Variants in ELAVL2 observed in about 807,000 individuals in gnomAD.
The protein encoded by ELAVL2 is ELAV-like protein 2.
A neutral mutation model predicts 34.6 loss-of-function variants in ELAVL2; 4 were observed. The ratio of observed to expected loss-of-function variants is 0.12; its 90% CI spans 0.06 to 0.26. The LOEUF (loss-of-function observed/expected upper bound fraction) is 0.26, where lower values mean the gene tolerates loss of function less well. ELAVL2 is among the 10% of genes least tolerant of loss of function. The pLI is 1.00. For missense variants in ELAVL2, 432 were observed against 442.8 expected, an observed-to-expected ratio of 0.98 and a Z score of 0.22; for synonymous variants, 193 against 154.8, an observed-to-expected ratio of 1.25 and a Z score of -1.83.
At chr9:23,850,241 C>T in the ELAVL2 span, among the ~76,000 whole-genome samples, 1 of 150,960 alleles carries the variant, frequency 6.6e-6, no homozygotes, top group South Asian at 2.1e-4. Context: ...CACCACCCCC[C>T]CCGCCCCCAG....
At chr9:23,774,104 G>A (rs913519470) in intron 1 of ELAVL2, among the ~76,000 whole-genome samples, 6 of 151,222 alleles carry the variant, frequency 4.0e-5, no homozygotes, top group Admixed American at 1.3e-4. Context: ...CCAGCTACAC[G>A]GGAGGCTGAG....
chr9:23,772,671 T>G (rs564483987), intron 1 of ELAVL2, among the ~76,000 whole-genome samples: 18 of 152,214 alleles, frequency 1.2e-4, no homozygotes, highest in African/African-American at 4.3e-4. Context: ...TGATGTATTG[T>G]GGAGAGCAAA....
At chr9:23,737,480 G>C (rs2048172285) in intron 2 of ELAVL2, among the ~76,000 whole-genome samples, 1 of 152,210 alleles carries the variant, frequency 6.6e-6, no homozygotes, top group African/African-American at 2.4e-5. Flanking sequence ...GTGTCATCTA[G>C]AGTAATTTGA....
At chr9:23,750,739 G>C (rs1183492321) in intron 2 of ELAVL2, among the ~76,000 whole-genome samples, 1 of 152,100 alleles carries the variant, frequency 6.6e-6, no homozygotes, top group East Asian at 1.9e-4. Context: ...ATTTAAAGTA[G>C]AATAAGAGCA....
At chr9:23,727,762 C>T (rs1213204554) in intron 3 of ELAVL2, among the ~76,000 whole-genome samples, 2 of 152,016 alleles carry the variant, frequency 1.3e-5, no homozygotes, top group East Asian at 1.9e-4. Flanking sequence ...AGGGACTTCA[C>T]TTCACTCACC....
At chr9:23,725,125 C>T (rs539727603) in intron 3 of ELAVL2, among the ~76,000 whole-genome samples, 115 of 152,244 alleles carry the variant, frequency 7.6e-4, no homozygotes, top group African/African-American at 2.7e-3. Context: ...AAAGATGTGG[C>T]GTTTAAATAC....
At chr9:23,744,969 C>CT (rs1405740135) in intron 2 of ELAVL2, among the ~76,000 whole-genome samples, 3 of 152,060 alleles carry the variant, frequency 2.0e-5, no homozygotes, top group Non-Finnish European at 2.9e-5. Context: ...CTTCGGGAGT[C>CT]TGAGGCTAGA....
At chr9:23,810,638 G>C (rs899119798) in intron 1 of ELAVL2, among the ~76,000 whole-genome samples, 1 of 152,118 alleles carries the variant, frequency 6.6e-6, no homozygotes, top group Non-Finnish European at 1.5e-5. Flanking sequence ...ACCAAAAGTA[G>C]AAAGAACATC....
chr9:23,704,591 T>C (rs1024465968), intron 4 of ELAVL2, among the ~76,000 whole-genome samples: 3 of 152,150 alleles, frequency 2.0e-5, no homozygotes, highest in African/African-American at 7.2e-5. Flanking sequence ...AGGTTGTTTA[T>C]TAGTACTCTA....
chr9:23,775,694 G>C (rs2058075432), intron 1 of ELAVL2, among the ~76,000 whole-genome samples: 1 of 152,088 alleles, frequency 6.6e-6, no homozygotes, highest in African/African-American at 2.4e-5. Flanking sequence ...ACTTGACCGA[G>C]CTCCTACCTC....
chr9:23,759,245 G>T (rs2054293053), intron 2 of ELAVL2, among the ~76,000 whole-genome samples: 1 of 151,918 alleles, frequency 6.6e-6, no homozygotes, highest in South Asian at 2.1e-4. Flanking sequence ...CCACAAAAAA[G>T]AATGAAATTC....
intron 1 of ELAVL2, among the ~76,000 whole-genome samples, chr9:23,781,504 CTTT>C (rs1006995164): frequency 6.8e-6 from 1 of 147,446 alleles, no homozygotes; most frequent in Admixed American, 6.9e-5. Flanking sequence ...AGAAAAGTTT[CTTT>C]TTTTTCTTTC....
rs760205817 is a variant in ELAVL2 at position 23,762,061 on chromosome 9, G to C, written c.174C>G (p.Leu58=). The part of the protein sequence containing the change: ...QNMTQEELKS[L]FGSIGEIESC... The stretch of plus-strand genomic sequence containing the variant: ...ACTCTATTTCACCAATGCTCCCAAA[G>C]AGACTCTTTAGTTCCTCCTGTGTCA... The change falls in exon 2 of 7, where the codon CTC becomes CTG. Residue 58 remains leucine (L), a synonymous_variant. Coordinates refer to ENST00000397312, the MANE Select transcript of ELAVL2 (RefSeq NM_004432.5). 1.9e-6 allele frequency: 3 copies of C among 1,613,352 alleles called. No individual in the cohort carries two copies. Among genetic ancestry groups the C allele is most frequent in the South Asian group, 1.1e-5 (1 of 91,062 alleles).
At chr9:23,750,202 T>C (rs531175118) in intron 2 of ELAVL2, among the ~76,000 whole-genome samples, 86 of 152,228 alleles carry the variant, frequency 5.6e-4, no homozygotes, top group Middle Eastern at 3.4e-3. Flanking sequence ...GAAGATTCCA[T>C]ATTCTACTTT....
intron 2 of ELAVL2, among the ~76,000 whole-genome samples, chr9:23,759,092 AT>A (rs1460178161): frequency 2.0e-5 from 3 of 152,052 alleles, no homozygotes; most frequent in African/African-American, 7.2e-5. Context: ...AATGAAATCA[AT>A]TTGTCAAAAG....
At chr9:23,826,948 C>G (rs1369263957), upstream of ELAVL2, among the ~76,000 whole-genome samples, 2 of 152,124 alleles carry the variant, frequency 1.3e-5, no homozygotes, top group East Asian at 3.8e-4. Context: ...TTAAAGCATC[C>G]TTTTAAGATA....
At chr9:23,766,704 A>G (rs1473261672) in intron 1 of ELAVL2, among the ~76,000 whole-genome samples, 1 of 152,088 alleles carries the variant, frequency 6.6e-6, no homozygotes, top group African/African-American at 2.4e-5. Context: ...AGGCAGACAC[A>G]TACCTTTATG....
At chr9:23,747,221 C>T (rs564636895) in intron 2 of ELAVL2, among the ~76,000 whole-genome samples, 1 of 152,020 alleles carries the variant, frequency 6.6e-6, no homozygotes, top group East Asian at 1.9e-4. Flanking sequence ...GGAACATGTA[C>T]CAGCCATGGA....
intron 1 of ELAVL2, among the ~76,000 whole-genome samples, chr9:23,824,836 G>A (rs2065189766): frequency 1.3e-5 from 2 of 152,120 alleles, no homozygotes; most frequent in Admixed American, 6.5e-5. Context: ...ATAGCTATTC[G>A]AGGAAGTGGG....
Sources: gnomAD v4.1 joint callset for allele counts (sites outside exome capture counted in the v4.1 genomes callset) on GRCh38, gnomAD v4.1.1 for gene constraint, MANE v1.5 for transcripts, NCBI Gene and HGNC (gene_info 2026-07-23, HGNC 2026-07-21) for gene names.